The following SYT16 variants were observed in gnomAD, a reference collection of about 807,000 sequenced individuals.
SYT16 encodes the protein synaptotagmin-16.
A neutral mutation model predicts 61.4 loss-of-function variants in SYT16; 42 were observed. The observed-to-expected ratio is 0.68, with a 90% CI of 0.53 to 0.89. The LOEUF (loss-of-function observed/expected upper bound fraction) is 0.89, where lower values mean the gene tolerates loss of function less well. Among genes scored for constraint, SYT16 ranks in the 40% least tolerant of loss-of-function variants. The pLI is 0.00. For synonymous variants in SYT16, 314 were observed against 302.3 expected (o/e 1.04, Z -0.40); for missense variants, 804 against 807.3 (o/e 1.00, Z 0.05).
intron 1 of SYT16, among the ~76,000 whole-genome samples, chr14:61,926,209 AGG>A (rs2049529519): frequency 6.6e-6 from 1 of 151,488 alleles, no homozygotes; most frequent in Non-Finnish European, 1.5e-5. Context: ...TTGCTTTCTT[AGG>A]GCTAAAAATA....
rs148455763 is a variant in SYT16 at position 62,091,892 on chromosome 14, G to A, written c.1624+7507G>A. On this transcript the variant is annotated intron_variant, in intron 7 of 7. Transcript: ENST00000683842. The stretch of plus-strand genomic sequence containing the variant: ...AGTTCAAAAATTTTGTGCATCAAAA[G>A]ATAATAGAGTAAACAGACCACCCAT... Among the ~76,000 whole-genome samples, 972 of 152,120 alleles carry A rather than the reference G, an allele frequency of 6.4e-3. 10 individuals are homozygous for A. The highest frequency in any genetic ancestry group is 0.022 in the African/African-American group (923 of 41,498).
At chr14:61,840,274 C>A (rs143555157) in intron 1 of SYT16, among the ~76,000 whole-genome samples, 67 of 152,156 alleles carry the variant, frequency 4.4e-4, no homozygotes, top group African/African-American at 1.6e-3. Context: ...AGGCAAGGTG[C>A]GCTATTGGAA....
At chr14:61,973,043 A>T (rs1481357816) in intron 2 of SYT16, among the ~76,000 whole-genome samples, 2 of 152,142 alleles carry the variant, frequency 1.3e-5, no homozygotes, top group Non-Finnish European at 2.9e-5. Flanking sequence ...TTTTGTTGAT[A>T]AAAAAATGAT....
At chr14:61,906,791 A>ATCCATCCGTCCGTCCG (rs1566669663) in intron 1 of SYT16, among the ~76,000 whole-genome samples, 1 of 62,514 alleles carries the variant, frequency 1.6e-5, no homozygotes, top group Non-Finnish European at 4.3e-5. Context: ...CCGTCCGTCC[A>ATCCATCCGTCCGTCCG]TCCATCCATC....
At chr14:61,984,104 A>C (rs2052201925) in intron 2 of SYT16, among the ~76,000 whole-genome samples, 1 of 152,172 alleles carries the variant, frequency 6.6e-6, no homozygotes, top group Admixed American at 6.6e-5. Flanking sequence ...TTTTACCTTG[A>C]CTGTTTAACA....
chr14:61,842,975 C>T (rs72716773), intron 1 of SYT16, among the ~76,000 whole-genome samples: 11,935 of 152,104 alleles, frequency 0.078, 539 homozygotes, highest in Non-Finnish European at 0.1. Flanking sequence ...TCTTTATCCA[C>T]GCATCTGTGA....
intron 1 of SYT16, among the ~76,000 whole-genome samples, chr14:61,917,539 A>T (rs1290564552): frequency 6.6e-6 from 1 of 152,156 alleles, no homozygotes; most frequent in African/African-American, 2.4e-5. Flanking sequence ...CCCAACCAAA[A>T]CATAAAGCCA....
At chr14:61,850,087 G>A (rs1314169677) in intron 1 of SYT16, among the ~76,000 whole-genome samples, 1 of 151,266 alleles carries the variant, frequency 6.6e-6, no homozygotes, top group Non-Finnish European at 1.5e-5. Flanking sequence ...TCTGACTGGT[G>A]TAAGATGGTA....
intron 3 of SYT16, among the ~76,000 whole-genome samples, chr14:62,063,881 G>A (rs930628738): frequency 5.9e-5 from 9 of 152,144 alleles, no homozygotes; most frequent in South Asian, 2.1e-4. Flanking sequence ...TGAAGGTGCC[G>A]GAGTACATGT....
chr14:62,003,435 C>T (rs2053100769), intron 3 of SYT16, among the ~76,000 whole-genome samples: 1 of 151,726 alleles, frequency 6.6e-6, no homozygotes, highest in African/African-American at 2.4e-5. Context: ...TTAATTCTTA[C>T]CAGCTTGTAT....
At chr14:62,069,357 G>T (rs985049042) in intron 3 of SYT16, among the ~76,000 whole-genome samples, 1 of 152,192 alleles carries the variant, frequency 6.6e-6, no homozygotes. Flanking sequence ...ATGATTATGG[G>T]TGTCCCAATG....
intron 3 of SYT16, among the ~76,000 whole-genome samples, chr14:62,008,550 T>C (rs140197362): frequency 6.6e-6 from 1 of 152,154 alleles, no homozygotes; most frequent in Admixed American, 6.5e-5. Flanking sequence ...GAAGCCCTTT[T>C]TGTTTTCTTT....
chr14:61,877,686 G>A (rs2047547535), intron 1 of SYT16, among the ~76,000 whole-genome samples: 1 of 152,158 alleles, frequency 6.6e-6, no homozygotes, highest in Non-Finnish European at 1.5e-5. Context: ...GTCCAGAGTT[G>A]AGAGCTTGCC....
At chr14:61,932,998 T>G (rs1385888059) in intron 1 of SYT16, among the ~76,000 whole-genome samples, 1 of 152,252 alleles carries the variant, frequency 6.6e-6, no homozygotes. Context: ...AAAGCATTAA[T>G]AAGATATCAG....
chr14:61,859,777 T>C (rs552543245), intron 1 of SYT16, among the ~76,000 whole-genome samples: 3 of 152,194 alleles, frequency 2.0e-5, no homozygotes, highest in African/African-American at 7.2e-5. Context: ...GGGGAGGACA[T>C]TGGCACACTT....
At chr14:62,078,472 TAA>T (rs2056593837) in intron 5 of SYT16, among the ~76,000 whole-genome samples, 1 of 152,156 alleles carries the variant, frequency 6.6e-6, no homozygotes, top group Non-Finnish European at 1.5e-5. Flanking sequence ...TGCATTGATG[TAA>T]ATATTCAAAA....
chr14:61,992,133 G>A (rs1000401920), intron 2 of SYT16, among the ~76,000 whole-genome samples: 1 of 152,062 alleles, frequency 6.6e-6, no homozygotes, highest in African/African-American at 2.4e-5. Context: ...ATATCATAAA[G>A]GCACATTCAA....
chr14:61,956,415 C>G (rs574070654), intron 1 of SYT16, among the ~76,000 whole-genome samples: 16 of 151,962 alleles, frequency 1.1e-4, no homozygotes, highest in Non-Finnish European at 2.4e-4. Flanking sequence ...ACGTTTTCTT[C>G]TAAAAGTGTT....
Position 61,812,739 on chromosome 14 carries a change from C to A in SYT16, c.-396C>A, listed in dbSNP as rs1451699720. 1.3e-5 allele frequency: 2 copies of A among 149,640 alleles called. No homozygotes were observed. The highest frequency in any genetic ancestry group is 4.9e-5 in the African/African-American group (2 of 41,034). 9.3% of individuals were successfully genotyped at this position (149,640 alleles called of 1,614,324 possible). ...GCCTGCCGAGGAGCGCGCGCCCGGC[C>A]GGGCTCGGCGCCGGTTTCCCGAACC... On this transcript the variant is annotated 5_prime_UTR_variant, in exon 1 of 8. Transcript: ENST00000683842.
Sources: allele counts gnomAD v4.1 joint callset (sites outside exome capture counted in the v4.1 genomes callset), GRCh38; gene constraint gnomAD v4.1.1; transcripts MANE v1.5; gene names NCBI Gene and HGNC (gene_info 2026-07-23, HGNC 2026-07-21).